Variants in SRSF4 observed in about 807,000 individuals in gnomAD.
SRSF4 encodes serine and arginine rich splicing factor 4.
SRSF4 carries 12 observed loss-of-function variants against 48.8 expected under a neutral mutation model. That is an observed-to-expected ratio of 0.25 (90% CI 0.16 to 0.40). SRSF4 has a LOEUF of 0.40. Ranked by LOEUF, SRSF4 falls within the 10% of genes least tolerant of loss-of-function variation. The probability of loss-of-function intolerance (pLI) is 1.00; values close to 1 mark genes in which losing one functional copy is unlikely to be tolerated. For missense variants in SRSF4, 466 were observed against 667.1 expected (o/e 0.70, Z 3.32); for synonymous variants, 248 against 232.5 (o/e 1.07, Z -0.61).
intron 1 of SRSF4, among the ~76,000 whole-genome samples, chr1:29,162,257 G>C (rs1672610104): frequency 6.6e-6 from 1 of 152,122 alleles, no homozygotes; most frequent in Non-Finnish European, 1.5e-5. Flanking sequence ...TAATAAGAAG[G>C]ATTTTGAACA....
intron 3 of SRSF4, among the ~76,000 whole-genome samples, chr1:29,156,023 A>G (rs1672494087): frequency 6.6e-6 from 1 of 152,054 alleles, no homozygotes. Context: ...ACAGAGCGGG[A>G]CTCCATCTCA....
chr1:29,181,799 G>C lies in SRSF4; in HGVS notation c.-47C>G. On this transcript the variant is annotated 5_prime_UTR_variant, in exon 1 of 6. Transcript: ENST00000373795. The stretch of plus-strand genomic sequence containing the variant: ...TGGCCCCGGCCCCAGCCCCCCTTAG[G>C]CGGCGGCGGGCAAAGCGAGAGCACG... 6.7e-7 allele frequency: 1 copy of C among 1,482,548 alleles called. No homozygotes were observed. The highest frequency in any genetic ancestry group is 9.0e-7 in the Non-Finnish European group (1 of 1,112,640). 91.8% of individuals were successfully genotyped at this position (1,482,548 alleles called of 1,614,324 possible). A position where few individuals can be genotyped will look rare whatever the true frequency, so the allele number is the denominator to read the frequency against.
At chr1:29,180,311 T>G (rs1039759749) in intron 1 of SRSF4, among the ~76,000 whole-genome samples, 1 of 152,220 alleles carries the variant, frequency 6.6e-6, no homozygotes, top group Non-Finnish European at 1.5e-5. Flanking sequence ...TACCCGCCAC[T>G]TCAATATATC....
At chr1:29,167,807 A>G (rs1175116734) in intron 1 of SRSF4, among the ~76,000 whole-genome samples, 8 of 152,242 alleles carry the variant, frequency 5.3e-5, no homozygotes, top group African/African-American at 1.7e-4. Context: ...TGCCTGGCAC[A>G]GTAAATAATT....
intron 4 of SRSF4, among the ~76,000 whole-genome samples, chr1:29,154,033 A>T (rs950343934): frequency 1.3e-5 from 2 of 150,002 alleles, no homozygotes; most frequent in African/African-American, 4.9e-5. Flanking sequence ...GGTAGCTGGG[A>T]CTACAGGTAC....
rs1183413581 is a variant in SRSF4, at chr1:29,148,071, C to T, written c.*339G>A. On this transcript the variant is annotated 3_prime_UTR_variant, in exon 6 of 6. Transcript: ENST00000373795. ...CAAGAGCAAAAATGGTTGAACTCAC[C>T]ATACCTACCTATGTGGTCATTCCAG... 6.0e-6 allele frequency: 3 copies of T among 502,578 alleles called. No homozygotes were observed. The highest frequency in any genetic ancestry group is 1.2e-5 in the Non-Finnish European group (3 of 258,126). The allele number at this position is 502,578 out of a possible 1,614,324, so 31.1% of individuals were successfully genotyped here.
At chr1:29,171,002 T>C (rs945302492) in intron 1 of SRSF4, 3 of 152,214 alleles carry the variant, frequency 2.0e-5, no homozygotes, top group Non-Finnish European at 2.9e-5. Context: ...AAGTAAAACA[T>C]TTCCTCAAAC....
chr1:29,177,764 G>A (rs1485176768), intron 1 of SRSF4, among the ~76,000 whole-genome samples: 2 of 152,100 alleles, frequency 1.3e-5, no homozygotes, highest in Admixed American at 6.5e-5. Flanking sequence ...AAAACGGTAG[G>A]CAATGAACTC....
Position 29,181,740 on chromosome 1 carries a change from A to G in SRSF4, c.13T>C (p.Tyr5His). The G allele has an allele frequency of 6.3e-7, 1 of 1,583,038 alleles. No homozygotes were observed. Among genetic ancestry groups the G allele is most frequent in the Non-Finnish European group, 8.6e-7 (1 of 1,168,328 alleles). The change falls in exon 1 of 6, where the codon TAC becomes CAC. Residue 5 changes from tyrosine to histidine, a missense_variant. Tyr to His is a moderately conservative substitution (Grantham distance 83). Coordinates refer to ENST00000373795, the MANE Select transcript of SRSF4 (RefSeq NM_005626.5). Reference protein sequence around the residue: MPRVYIGRLSYQARE... With the variant: MPRVHIGRLSYQARE... ...GCCTGGTAGCTCAGGCGGCCGATGTACACCCGCGGCATCCCGGCAACGGCA... is the reference window on the plus strand; with the variant it reads ...GCCTGGTAGCTCAGGCGGCCGATGTGCACCCGCGGCATCCCGGCAACGGCA...
At position 29,148,186 on chromosome 1, in the gene SRSF4, G is replaced by A. The variant is rs770828983; in HGVS notation, c.*224C>T. On this transcript the variant is annotated 3_prime_UTR_variant, in exon 6 of 6. Coordinates refer to ENST00000373795, the MANE Select transcript of SRSF4 (RefSeq NM_005626.5). The stretch of plus-strand genomic sequence containing the variant: ...TTGGATATTCTACTGTGGGCCATGA[G>A]TAAAAGGGGATTTTCAAAGAGAAAA... 24 of 702,584 alleles carry A rather than the reference G, an allele frequency of 3.4e-5. No individual in the cohort carries two copies. Among genetic ancestry groups the A allele is most frequent in the African/African-American group, 2.4e-4 (14 of 57,230 alleles). The allele number at this position is 702,584 out of a possible 1,614,324, so 43.5% of individuals were successfully genotyped here.
At chr1:29,158,857 C>T (rs539237932) in intron 3 of SRSF4, among the ~76,000 whole-genome samples, 2 of 152,124 alleles carry the variant, frequency 1.3e-5, no homozygotes, top group South Asian at 4.2e-4. Flanking sequence ...CGCGGTGGCT[C>T]ACGCCTGTAA....
chr1:29,159,841 G>A (rs199961436), intron 2 of SRSF4: 13 of 163,146 alleles, frequency 8.0e-5, no homozygotes, highest in African/African-American at 2.7e-4. Context: ...ATTTTATATG[G>A]AAAAAAAAAG....
At chr1:29,160,555 T>C (rs780010364) in intron 1 of SRSF4, 38 bp from the exon 2 acceptor site, 1 of 1,561,642 alleles carries the variant, frequency 6.4e-7, no homozygotes, top group Non-Finnish European at 8.7e-7. Flanking sequence ...TGGTACCATT[T>C]TGACATCCAG....
chr1:29,178,292 C>T (rs777873176), intron 1 of SRSF4, among the ~76,000 whole-genome samples: 1 of 151,838 alleles, frequency 6.6e-6, no homozygotes, highest in Non-Finnish European at 1.5e-5. Flanking sequence ...CAAATCTGAA[C>T]TCCAGCAATT....
intron 1 of SRSF4, chr1:29,172,190 A>G (rs920336180): frequency 4.6e-5 from 7 of 152,268 alleles, no homozygotes; most frequent in African/African-American, 1.7e-4. Context: ...TATTACTAAT[A>G]AAACAATGAC....
chr1:29,173,927 G>A (rs1408536751), intron 1 of SRSF4, among the ~76,000 whole-genome samples: 2 of 151,542 alleles, frequency 1.3e-5, no homozygotes, highest in African/African-American at 2.4e-5. Context: ...GGTGGCTCAC[G>A]CCTGTAATCC....
chr1:29,179,518 C>T (rs1329890158), intron 1 of SRSF4, among the ~76,000 whole-genome samples: 1 of 151,986 alleles, frequency 6.6e-6, no homozygotes, highest in Non-Finnish European at 1.5e-5. Flanking sequence ...TGTCACCACG[C>T]GTGGCTAATT....
At chr1:29,173,960 G>C (rs1672793606) in intron 1 of SRSF4, among the ~76,000 whole-genome samples, 1 of 151,598 alleles carries the variant, frequency 6.6e-6, no homozygotes, top group Non-Finnish European at 1.5e-5. Flanking sequence ...AGGATGAGGT[G>C]GGCGGATCAC....
chr1:29,173,011 T>A (rs962671676), intron 1 of SRSF4: 1 of 152,100 alleles, frequency 6.6e-6, no homozygotes, highest in Non-Finnish European at 1.5e-5. Flanking sequence ...GACACAAAAT[T>A]GCACGTAAAA....
Sources: allele counts gnomAD v4.1 joint callset (sites outside exome capture counted in the v4.1 genomes callset), GRCh38; gene constraint gnomAD v4.1.1; transcripts MANE v1.5; gene names NCBI Gene and HGNC (gene_info 2026-07-23, HGNC 2026-07-21).